The following TMEM74 variants were observed in gnomAD, a reference collection of about 807,000 sequenced individuals.
TMEM74 encodes transmembrane protein 74.
TMEM74 carries 13 observed loss-of-function variants against 18.1 expected under a neutral mutation model. The observed-to-expected ratio is 0.72, with a 90% confidence interval of 0.47 to 1.14. The LOEUF (loss-of-function observed/expected upper bound fraction) is 1.14, where lower values mean the gene tolerates loss of function less well. TMEM74 is among the 50% of genes most tolerant of loss of function. TMEM74 has a pLI of 0.00. For synonymous variants in TMEM74, 159 were observed against 146.6 expected (o/e 1.08, Z -0.61); for missense variants, 372 against 375.9 (o/e 0.99, Z 0.09).
intron 1 of TMEM74, among the ~76,000 whole-genome samples, chr8:108,735,980 C>A (rs1371143113): frequency 6.6e-6 from 1 of 152,108 alleles, no homozygotes. Context: ...TCAAATCACT[C>A]GCCTTCTTTT....
chr8:108,709,648 CA>C lies in TMEM74; in HGVS notation n.120-54212del, dbSNP rs1813455487. ...GTTAACAATACAGTATTGCACACTT[CA>C]AAATTTAAGAGGATGAATCTCATAT... On this transcript the variant is annotated intron_variant and non_coding_transcript_variant, in intron 1 of 3. Transcript: ENST00000518838. Among the ~76,000 whole-genome samples, 5 of 152,088 alleles carry C rather than the reference CA, an allele frequency of 3.3e-5. No individual in the cohort carries two copies. The South Asian group carries it at 1.0e-3, about 32-fold the overall frequency.
chr8:108,747,519 A>G (rs1238447384), intron 1 of TMEM74, among the ~76,000 whole-genome samples: 1 of 151,988 alleles, frequency 6.6e-6, no homozygotes, highest in Non-Finnish European at 1.5e-5. Flanking sequence ...TATGATCTCC[A>G]GCAGCAGAAG....
rs147016716 is a variant in TMEM74, at chr8:108,683,923, G to A, written n.120-28486C>T. ...CAGTTCCATCCATGCTGCTGCAAGT[G>A]ACAGAATTTCATTCTTTTTTATGTC... is the stretch of plus-strand genomic sequence containing the variant. On this transcript the variant is annotated intron_variant and non_coding_transcript_variant, in intron 1 of 3. Transcript: ENST00000518838. 1.3e-3 allele frequency among the ~76,000 whole-genome samples: 193 copies of A among 152,152 alleles called. 4 individuals carry two copies. The highest frequency in any genetic ancestry group is 6.2e-4 in the South Asian group (3 of 4,828).
At chr8:108,736,589 C>G (rs1350109159) in intron 1 of TMEM74, among the ~76,000 whole-genome samples, 2 of 151,888 alleles carry the variant, frequency 1.3e-5, no homozygotes, top group Middle Eastern at 3.4e-3. Context: ...AGAAAAATAG[C>G]AAGTTGATGA....
intron 1 of TMEM74, among the ~76,000 whole-genome samples, chr8:108,769,092 C>A (rs137940090): frequency 6.6e-6 from 1 of 150,730 alleles, no homozygotes; most frequent in Admixed American, 6.6e-5. Flanking sequence ...CACTTGAGGT[C>A]GTGAGTTCAA....
intron 1 of TMEM74, among the ~76,000 whole-genome samples, chr8:108,773,085 G>A (rs751372611): frequency 3.9e-5 from 6 of 152,012 alleles, no homozygotes; most frequent in Non-Finnish European, 7.4e-5. Context: ...GGCAAATTTG[G>A]CACTGAAAAG....
chr8:108,689,327 G>T (rs1813202274), intron 1 of TMEM74, among the ~76,000 whole-genome samples: 1 of 152,128 alleles, frequency 6.6e-6, no homozygotes, highest in South Asian at 2.1e-4. Flanking sequence ...CAACTTAGAG[G>T]CCAAGGTTAC....
chr8:108,745,514 G>T lies in TMEM74; in HGVS notation n.119+41962C>A, dbSNP rs561661972. 1.7e-3 allele frequency among the ~76,000 whole-genome samples: 263 copies of T among 152,212 alleles called. 1 individual carries two copies. The highest frequency in any genetic ancestry group is 5.9e-3 in the African/African-American group (247 of 41,544). ...TTTAGCTCCTGGTCATACAGAAACA[G>T]GTGCTGGGCTGGATTTGTCCCACGG... On this transcript the variant is annotated intron_variant and non_coding_transcript_variant, in intron 1 of 3. Transcript: ENST00000518838.
intron 1 of TMEM74, among the ~76,000 whole-genome samples, chr8:108,751,022 T>C (rs1397640054): frequency 6.6e-6 from 1 of 152,128 alleles, no homozygotes; most frequent in Non-Finnish European, 1.5e-5. Context: ...CAAATTGAGA[T>C]TGCTACCGAC....
intron 1 of TMEM74, among the ~76,000 whole-genome samples, chr8:108,767,478 T>A (rs886839095): frequency 6.6e-6 from 1 of 152,170 alleles, no homozygotes; most frequent in African/African-American, 2.4e-5. Flanking sequence ...ATAGGAAGGA[T>A]CCATTTTGAG....
At chr8:108,631,064 G>T (rs1197269034) in intron 2 of TMEM74, among the ~76,000 whole-genome samples, 1 of 151,980 alleles carries the variant, frequency 6.6e-6, no homozygotes, top group Non-Finnish European at 1.5e-5. Context: ...AGAAATTAAA[G>T]TCCTGAAGAA....
intron 2 of TMEM74, among the ~76,000 whole-genome samples, chr8:108,646,342 A>G (rs1240803272): frequency 1.3e-5 from 2 of 152,160 alleles, no homozygotes; most frequent in Non-Finnish European, 2.9e-5. Flanking sequence ...TTAGACAATT[A>G]GCTAAATGTT....
chr8:108,760,901 C>T (rs1814036075), intron 1 of TMEM74, among the ~76,000 whole-genome samples: 1 of 151,972 alleles, frequency 6.6e-6, no homozygotes, highest in Non-Finnish European at 1.5e-5. Flanking sequence ...CTGGCTGACT[C>T]TGTCAGTTAA....
chr8:108,706,929 T>C (rs1813421684), intron 1 of TMEM74, among the ~76,000 whole-genome samples: 1 of 152,048 alleles, frequency 6.6e-6, no homozygotes, highest in Non-Finnish European at 1.5e-5. Flanking sequence ...ATGACAGTGA[T>C]CTAGAGGCTT....
At chr8:108,786,388 A>C (rs1743630738) in intron 1 of TMEM74, among the ~76,000 whole-genome samples, 1 of 152,188 alleles carries the variant, frequency 6.6e-6, no homozygotes, top group Non-Finnish European at 1.5e-5. Flanking sequence ...CCAGGGTGAT[A>C]ATTGATTTAA....
At chr8:108,772,091 T>A (rs1390703232) in intron 1 of TMEM74, among the ~76,000 whole-genome samples, 1 of 152,214 alleles carries the variant, frequency 6.6e-6, no homozygotes, top group Non-Finnish European at 1.5e-5. Flanking sequence ...AACTATTATA[T>A]ACTAATTATT....
At chr8:108,643,154 C>G (rs932591614) in intron 2 of TMEM74, among the ~76,000 whole-genome samples, 1 of 152,128 alleles carries the variant, frequency 6.6e-6, no homozygotes, top group Non-Finnish European at 1.5e-5. Flanking sequence ...AAATACATAG[C>G]CTAACCCAGT....
intron 1 of TMEM74, among the ~76,000 whole-genome samples, chr8:108,659,147 A>T (rs1269228700): frequency 1.4e-5 from 2 of 147,584 alleles, no homozygotes; most frequent in Non-Finnish European, 3.0e-5. Flanking sequence ...AGAAAAGACC[A>T]TTTCTCCTTC....
chr8:108,697,002 T>G (rs1483324184), intron 1 of TMEM74, among the ~76,000 whole-genome samples: 1 of 152,248 alleles, frequency 6.6e-6, no homozygotes, highest in Non-Finnish European at 1.5e-5. Context: ...GATTTTACTT[T>G]TGCTGCTGGT....
Sources: allele counts gnomAD v4.1 joint callset (sites outside exome capture counted in the v4.1 genomes callset), GRCh38; gene constraint gnomAD v4.1.1; transcripts MANE v1.5; gene names NCBI Gene and HGNC (gene_info 2026-07-23, HGNC 2026-07-21).